The following CERKL variants were observed in gnomAD, a reference collection of about 807,000 sequenced individuals.
The protein encoded by CERKL is ceramide kinase-like protein.
Under a neutral mutation model 63.4 loss-of-function variants are expected in CERKL, and 61 were observed. The ratio of observed to expected loss-of-function variants is 0.96; its 90% CI spans 0.78 to 1.19. The LOEUF is 1.19. Ranked by LOEUF, CERKL falls within the 50% of genes most tolerant of loss-of-function variation. CERKL has a pLI of 0.00. For missense variants in CERKL, 675 were observed against 655.5 expected, an observed-to-expected ratio of 1.03 and a Z score of -0.33; for synonymous variants, 250 against 230.5, an observed-to-expected ratio of 1.08 and a Z score of -0.77.
intron 12 of CERKL, 134 bp downstream of exon 12, chr2:181,538,958 A>G (rs1053859975): frequency 2.8e-6 from 2 of 709,178 alleles, no homozygotes; most frequent in African/African-American, 3.6e-5. Flanking sequence ...ATGTCTCTTT[A>G]TGCTTCCCTG....
At chr2:181,607,929 G>T (rs1006246068) in intron 1 of CERKL, among the ~76,000 whole-genome samples, 12 of 152,206 alleles carry the variant, frequency 7.9e-5, no homozygotes, top group African/African-American at 2.7e-4. Context: ...TGTAGGCTTG[G>T]TTATATTTGT....
In CERKL at chr2:181,537,487, TTC is replaced by T. The variant is rs1239545770; in HGVS notation, c.*695_*696del. 2.2e-6 allele frequency: 1 copy of T among 453,352 alleles called. No homozygotes were observed. The highest frequency in any genetic ancestry group is 2.0e-5 in the African/African-American group (1 of 49,654). The allele number at this position is 453,352 out of a possible 1,614,324, so 28.1% of individuals were successfully genotyped here. On this transcript the variant is annotated 3_prime_UTR_variant, in exon 13 of 13. Coordinates refer to ENST00000410087, the MANE Select transcript of CERKL (RefSeq NM_201548.5). ...ACTTTAAGAAGACAGGGATGGGTTA[TTC>T]TTTTTTGGCAGGTAGGCTATATAAC...
intron 4 of CERKL, among the ~76,000 whole-genome samples, chr2:181,565,730 T>A (rs564615671): frequency 6.6e-6 from 1 of 152,166 alleles, no homozygotes; most frequent in Non-Finnish European, 1.5e-5. Flanking sequence ...TATAACATCT[T>A]CCATTAGTGC....
In CERKL at chr2:181,566,039, G is replaced by C. The variant is rs778643398; in HGVS notation, c.677+19C>G. 57 of 1,500,456 alleles carry C rather than the reference G, an allele frequency of 3.8e-5. No homozygotes were observed. The highest frequency in any genetic ancestry group is 4.6e-5 in the Non-Finnish European group (50 of 1,077,818). 92.9% of individuals were successfully genotyped at this position (1,500,456 alleles called of 1,614,324 possible). A position where few individuals can be genotyped will look rare whatever the true frequency, so the allele number is the denominator to read the frequency against. ...ATACATAAATGATATAACATATATT[G>C]ATTAATAATATAACCTACCCATCAA... On this transcript the variant is annotated intron_variant, in intron 4 of 12. Coordinates refer to ENST00000410087, the MANE Select transcript of CERKL (RefSeq NM_201548.5).
rs773104350 is a variant in CERKL, at chr2:181,656,968, C to T, written c.39G>A (p.Leu13=). ...WRRRRNRVSA[L]EGGREEEAPP... ...GCGCCTCTTCCTCCCGGCCGCCCTCCAGGGCACTCACCCGGTTCCTGCGCC... is the reference window on the plus strand; with the variant it reads ...GCGCCTCTTCCTCCCGGCCGCCCTCTAGGGCACTCACCCGGTTCCTGCGCC... Residue 13 remains leucine, a synonymous_variant, in exon 1 of 13, where the codon CTG becomes CTA. Transcript: ENST00000410087. 8 of 1,583,536 alleles carry T rather than the reference C, an allele frequency of 5.1e-6. No homozygotes were observed. The South Asian group carries it at 6.8e-5, about 13-fold the overall frequency.
intron 1 of CERKL, among the ~76,000 whole-genome samples, chr2:181,606,344 G>A (rs868383744): frequency 1.2e-3 from 50 of 41,334 alleles, no homozygotes; most frequent in Admixed American, 2.9e-3. Flanking sequence ...TTAGGGAGAG[G>A]AGGGGGAGGG....
rs568992169 is a variant in CERKL, at chr2:181,656,845, G to C, written c.162C>G (p.Ile54Met). The stretch of plus-strand genomic sequence containing the variant: ...GCACCACGTCACAACTGTCCCTCCC[G>C]ATCTCGAAGATGCCCCGGAGCAGAA... ...ERILLRGIFE[I>M]GRDSCDVVLS... Residue 54 changes from isoleucine (I) to methionine (M), a missense_variant, in exon 1 of 13, where the codon ATC (isoleucine) becomes ATG (methionine). Physicochemically the swap from Ile to Met is conservative, Grantham distance 10 (BLOSUM62 1). Coordinates refer to ENST00000410087, the MANE Select transcript of CERKL (RefSeq NM_201548.5). 4 of 1,604,666 alleles carry C rather than the reference G, an allele frequency of 2.5e-6. No homozygotes were observed. Among genetic ancestry groups the C allele is most frequent in the African/African-American group, 1.3e-5 (1 of 74,434 alleles).
chr2:181,586,197 T>C (rs1347095533), intron 2 of CERKL, among the ~76,000 whole-genome samples: 1 of 152,138 alleles, frequency 6.6e-6, no homozygotes, highest in Admixed American at 6.6e-5. Context: ...ATTTTTTTCA[T>C]GAGAAAACAG....
chr2:181,572,878 G>T (rs1370171636), intron 3 of CERKL, among the ~76,000 whole-genome samples: 5 of 143,674 alleles, frequency 3.5e-5, no homozygotes, highest in Non-Finnish European at 7.5e-5. Flanking sequence ...TATCTCCTTT[G>T]TTTACAGCTG....
chr2:181,548,070 G>A (rs1435103309), intron 8 of CERKL: 1 of 604,594 alleles, frequency 1.7e-6, no homozygotes, highest in East Asian at 2.8e-5. Flanking sequence ...GAATAATAAT[G>A]TACTATTTCT....
intron 4 of CERKL, chr2:181,565,374 A>G: frequency 8.2e-7 from 1 of 1,213,994 alleles, no homozygotes; most frequent in South Asian, 1.2e-5. Flanking sequence ...TCAGTCCAAC[A>G]CTTTAGCAAA....
At chr2:181,608,474 A>C (rs1384252866) in intron 1 of CERKL, among the ~76,000 whole-genome samples, 2 of 152,086 alleles carry the variant, frequency 1.3e-5, no homozygotes, top group African/African-American at 4.8e-5. Context: ...GAAAGAAAAA[A>C]TGAAAGTGAT....
chr2:181,561,323 T>C (rs1688429528), intron 4 of CERKL, among the ~76,000 whole-genome samples: 1 of 151,646 alleles, frequency 6.6e-6, no homozygotes, highest in African/African-American at 2.4e-5. Context: ...GGCAGGAGAA[T>C]TGCTTGAACC....
intron 11 of CERKL, among the ~76,000 whole-genome samples, chr2:181,543,134 G>A (rs1036490651): frequency 2.0e-5 from 3 of 152,030 alleles, no homozygotes; most frequent in East Asian, 1.9e-4. Context: ...AAAAGGATTC[G>A]GAAAAAATTC....
At chr2:181,566,528 T>C (rs1688674303) in intron 3 of CERKL, among the ~76,000 whole-genome samples, 1 of 152,110 alleles carries the variant, frequency 6.6e-6, no homozygotes, top group Non-Finnish European at 1.5e-5. Context: ...CAACCTTACA[T>C]GAATAAATTA....
chr2:181,615,933 G>T (rs142932316), intron 1 of CERKL, among the ~76,000 whole-genome samples: 30 of 152,002 alleles, frequency 2.0e-4, no homozygotes, highest in African/African-American at 7.3e-4. Flanking sequence ...GAGTTACAAC[G>T]AAGTAGGCTT....
At chr2:181,562,046 T>C (rs1251871659) in intron 4 of CERKL, among the ~76,000 whole-genome samples, 3 of 152,138 alleles carry the variant, frequency 2.0e-5, no homozygotes, top group South Asian at 2.1e-4. Flanking sequence ...ACTCCTGACC[T>C]CAGGTGATCT....
chr2:181,553,570 G>A (rs1688081212), intron 5 of CERKL, among the ~76,000 whole-genome samples: 1 of 152,186 alleles, frequency 6.6e-6, no homozygotes, highest in East Asian at 1.9e-4. Flanking sequence ...GAAGTATGGT[G>A]GGTATGCCCA....
chr2:181,584,935 C>T (rs1684696706), intron 2 of CERKL, among the ~76,000 whole-genome samples: 2 of 151,674 alleles, frequency 1.3e-5, no homozygotes, highest in Admixed American at 1.3e-4. Flanking sequence ...CCCCTGCTGA[C>T]TCCACTTGAA....
Sources: allele counts gnomAD v4.1 joint callset (sites outside exome capture counted in the v4.1 genomes callset), GRCh38; gene constraint gnomAD v4.1.1; transcripts MANE v1.5; gene names NCBI Gene and HGNC (gene_info 2026-07-23, HGNC 2026-07-21).